Variants in PRKN observed in about 807,000 individuals in gnomAD.
PRKN encodes the protein E3 ubiquitin-protein ligase parkin.
In PRKN, 56 loss-of-function variants were observed where a neutral mutation model predicts 59.5. The ratio of observed to expected loss-of-function variants is 0.94; its 90% CI spans 0.76 to 1.18. PRKN has a LOEUF of 1.18. PRKN is among the 50% of genes most tolerant of loss of function. The pLI, the probability that PRKN is intolerant of heterozygous loss-of-function variation, is 0.00. For synonymous variants in PRKN, 250 were observed against 222.1 expected, an observed-to-expected ratio of 1.13 and a Z score of -1.12; for missense variants, 657 against 596.4, an observed-to-expected ratio of 1.10 and a Z score of -1.06.
chr6:161,884,407 A>C (rs897483022), intron 6 of PRKN, among the ~76,000 whole-genome samples: 2 of 152,210 alleles, frequency 1.3e-5, no homozygotes, highest in Non-Finnish European at 2.9e-5. Context: ...GCTTAGTTTC[A>C]TTTTAAGATT....
chr6:161,893,297 T>G (rs1777486893), intron 6 of PRKN, among the ~76,000 whole-genome samples: 1 of 152,124 alleles, frequency 6.6e-6, no homozygotes, highest in Non-Finnish European at 1.5e-5. Flanking sequence ...AGTAGAGGGG[T>G]ACCATAGAAT....
chr6:161,468,215 C>T lies in PRKN; in HGVS notation c.1083+80639G>A, dbSNP rs576689426. Among the ~76,000 whole-genome samples, 71 of 152,050 alleles carry T rather than the reference C, an allele frequency of 4.7e-4. No homozygotes were observed. The highest frequency in any genetic ancestry group is 3.4e-3 in the Middle Eastern group (1 of 294). ...CTTGAACTCCTGACCTCAGGTGATC[C>T]GCCCGCCTCAACCTCCCAACGTGCT... On this transcript the variant is annotated intron_variant, in intron 9 of 11. Coordinates refer to ENST00000366898, the MANE Select transcript of PRKN (RefSeq NM_004562.3). The surrounding 1 kb of genome is among the most constrained non-coding windows in gnomAD (Gnocchi z 5.9).
chr6:162,302,963 T>TACACACACACACACACACAC (rs71004084), intron 2 of PRKN, among the ~76,000 whole-genome samples: 39 of 139,592 alleles, frequency 2.8e-4, no homozygotes, highest in African/African-American at 5.6e-4. Context: ...GCCTTAAACA[T>TACACACACACACACACACAC]ACACACACAC....
chr6:162,159,532 C>T (rs1782668396), intron 4 of PRKN, among the ~76,000 whole-genome samples: 2 of 152,068 alleles, frequency 1.3e-5, no homozygotes, highest in Admixed American at 1.3e-4. Flanking sequence ...TCTCCCCAAA[C>T]AGATCTATAG....
Position 162,054,080 on chromosome 6 carries a change from C to A in PRKN, c.618+11G>T, listed in dbSNP as rs1777758739. On this transcript the variant is annotated intron_variant, in intron 5 of 11. Transcript: ENST00000366898. The stretch of plus-strand genomic sequence containing the variant: ...TTGCAATAAGAGGAATGAATGTGAC[C>A]AGGTACTTACTGCACTAGTCCCAGG... 1 of 1,555,346 alleles carries A rather than the reference C, an allele frequency of 6.4e-7. No individual in the cohort carries two copies. Among genetic ancestry groups the A allele is most frequent in the Non-Finnish European group, 8.9e-7 (1 of 1,126,510 alleles).
At chr6:162,137,126 A>G (rs1437882280) in intron 4 of PRKN, among the ~76,000 whole-genome samples, 1 of 152,082 alleles carries the variant, frequency 6.6e-6, no homozygotes. Context: ...CTATCAAAGA[A>G]TCATTTATTA....
intron 1 of PRKN, among the ~76,000 whole-genome samples, chr6:162,551,307 A>G (rs1779322749): frequency 6.6e-6 from 1 of 152,206 alleles, no homozygotes; most frequent in South Asian, 2.1e-4. Context: ...TTTCCAGTCC[A>G]TAACAAGTTA....
intron 1 of PRKN, among the ~76,000 whole-genome samples, chr6:162,717,454 T>C (rs1778772469): frequency 6.6e-6 from 1 of 151,766 alleles, no homozygotes. Flanking sequence ...CAGGTTGGCA[T>C]GCACCTATAG....
chr6:161,875,011 TTATA>T lies in PRKN; in HGVS notation c.735-89107_735-89104del, dbSNP rs1223364311. 2.1e-5 allele frequency among the ~76,000 whole-genome samples: 2 copies of T among 95,346 alleles called. 1 individual carries two copies. The highest frequency in any genetic ancestry group is 1.0e-4 in the African/African-American group (2 of 19,204). The allele number at this position is 95,346 out of a possible 152,430, so 62.6% of individuals were successfully genotyped here. ...TACTTTATATATAATATATTATATA[TTATA>T]TATAAAGTATATAATATAATAAATT... On this transcript the variant is annotated intron_variant, in intron 6 of 11. Transcript: ENST00000366898.
intron 6 of PRKN, among the ~76,000 whole-genome samples, chr6:161,860,508 C>T (rs1483353543): frequency 2.0e-5 from 3 of 152,186 alleles, no homozygotes; most frequent in African/African-American, 7.2e-5. Flanking sequence ...TCATTGGACA[C>T]CGTTGCCTCA....
At chr6:162,702,035 T>G (rs370383776) in intron 1 of PRKN, among the ~76,000 whole-genome samples, 4 of 152,114 alleles carry the variant, frequency 2.6e-5, no homozygotes, top group Admixed American at 2.6e-4. Flanking sequence ...TAGTATATTG[T>G]TTTTGTAGAA....
At chr6:162,440,950 A>T (rs937318728) in intron 2 of PRKN, among the ~76,000 whole-genome samples, 6 of 152,026 alleles carry the variant, frequency 3.9e-5, no homozygotes, top group African/African-American at 1.2e-4. Context: ...ATAGCCATCA[A>T]TTTGCAATTA....
chr6:161,389,549 C>G (rs1786413448), intron 9 of PRKN, among the ~76,000 whole-genome samples: 1 of 152,216 alleles, frequency 6.6e-6, no homozygotes, highest in Non-Finnish European at 1.5e-5. Flanking sequence ...CTTATTTTCT[C>G]TGAACTAAAA....
At chr6:162,604,852 A>G (rs2128217725) in intron 1 of PRKN, among the ~76,000 whole-genome samples, 1 of 152,216 alleles carries the variant, frequency 6.6e-6, no homozygotes, top group South Asian at 2.1e-4. Context: ...CAAAAGTGCA[A>G]CTGGTTAGGA....
chr6:161,371,238 C>T lies in PRKN; in HGVS notation c.1168-11033G>A, dbSNP rs1785432896. ...GGAGTGCAATGGTGAAATCTCCGCT[C>T]ACTGCAACCTCCACCTCCTGGGTTC... On this transcript the variant is annotated intron_variant, in intron 10 of 11. Coordinates refer to ENST00000366898, the MANE Select transcript of PRKN (RefSeq NM_004562.3). The surrounding 1 kb of genome is among the most constrained non-coding windows in gnomAD (Gnocchi z 5.5). 6.6e-6 allele frequency among the ~76,000 whole-genome samples: 1 copy of T among 151,896 alleles called. No individual in the cohort carries two copies. Among genetic ancestry groups the T allele is most frequent in the Non-Finnish European group, 1.5e-5 (1 of 68,008 alleles).
In PRKN at chr6:161,576,945, A is replaced by C. The variant is rs1331000751; in HGVS notation, c.872-7529T>G. Among the ~76,000 whole-genome samples the C allele has an allele frequency of 6.6e-6, 1 of 152,230 alleles. No individual in the cohort carries two copies. The highest frequency in any genetic ancestry group is 1.5e-5 in the Non-Finnish European group (1 of 68,034). ...ATGTCATTTACAGAAAGTTTAGAGAATCTATTAAACAATGTCGATGCACGC... is the reference window on the plus strand; with the variant it reads ...ATGTCATTTACAGAAAGTTTAGAGACTCTATTAAACAATGTCGATGCACGC... On this transcript the variant is annotated intron_variant, in intron 7 of 11. Transcript: ENST00000366898. The surrounding 1 kb of genome is among the most constrained non-coding windows in gnomAD (Gnocchi z 4.6).
At chr6:161,740,864 C>T (rs1025974220) in intron 7 of PRKN, among the ~76,000 whole-genome samples, 1 of 152,152 alleles carries the variant, frequency 6.6e-6, no homozygotes, top group Non-Finnish European at 1.5e-5. Context: ...GGTGGAGAAA[C>T]CACAAGCTAG....
intron 7 of PRKN, among the ~76,000 whole-genome samples, chr6:161,574,285 GA>G (rs1781047132): frequency 6.6e-6 from 1 of 152,108 alleles, no homozygotes; most frequent in South Asian, 2.1e-4. Context: ...AGGGAGACAG[GA>G]AAACGTTAGC....
At chr6:162,092,858 G>A (rs1208580459) in intron 4 of PRKN, among the ~76,000 whole-genome samples, 2 of 152,158 alleles carry the variant, frequency 1.3e-5, no homozygotes, top group Non-Finnish European at 2.9e-5. Flanking sequence ...ATATTATGAT[G>A]GAGCCTTAAG....
Sources: gnomAD v4.1 joint callset for allele counts (sites outside exome capture counted in the v4.1 genomes callset) on GRCh38, gnomAD v4.1.1 for gene constraint, Gnocchi (gnomAD v3.1) non-coding constraint, MANE v1.5 for transcripts, NCBI Gene and HGNC (gene_info 2026-07-23, HGNC 2026-07-21) for gene names.